Variants in WWOX observed in about 807,000 individuals in gnomAD.
WWOX encodes WW domain containing oxidoreductase.
A neutral mutation model predicts 46.2 loss-of-function variants in WWOX; 69 were observed. The ratio of observed to expected loss-of-function variants is 1.49; its 90% confidence interval spans 1.23 to 1.82. The LOEUF (loss-of-function observed/expected upper bound fraction) is 1.82. WWOX is among the 40% of genes most tolerant of loss of function. WWOX has a pLI of 0.00. For synonymous variants in WWOX, 359 were observed against 202.6 expected (o/e 1.77, Z -6.56); for missense variants, 919 against 542.6 (o/e 1.69, Z -6.89).
intron 8 of WWOX, among the ~76,000 whole-genome samples, chr16:78,708,839 C>T (rs908651355): frequency 1.3e-5 from 2 of 152,174 alleles, no homozygotes; most frequent in Admixed American, 6.5e-5. Context: ...TTTTTCACAG[C>T]GCCCAGCAAA....
At chr16:78,656,953 A>C (rs940129556) in intron 8 of WWOX, among the ~76,000 whole-genome samples, 1 of 152,200 alleles carries the variant, frequency 6.6e-6, no homozygotes, top group Non-Finnish European at 1.5e-5. Flanking sequence ...CGTCTGGTCC[A>C]TGCTCAGATT....
At chr16:78,757,949 T>C (rs897221445) in intron 8 of WWOX, among the ~76,000 whole-genome samples, 2 of 151,954 alleles carry the variant, frequency 1.3e-5, no homozygotes, top group East Asian at 3.9e-4. Flanking sequence ...AAATATGAGT[T>C]TGGGGGGACA....
intron 8 of WWOX, among the ~76,000 whole-genome samples, chr16:78,934,351 A>AAAAAAAAAAAAAAAAAAAAAAAAAG (rs60762741): frequency 6.8e-6 from 1 of 147,938 alleles, no homozygotes. Context: ...AAAAAAAAAA[A>AAAAAAAAAAAAAAAAAAAAAAAAAG]GAAGAAACTT....
At chr16:78,576,716 C>A (rs1295167319) in intron 8 of WWOX, among the ~76,000 whole-genome samples, 1 of 152,124 alleles carries the variant, frequency 6.6e-6, no homozygotes, top group East Asian at 1.9e-4. Flanking sequence ...GGTGTAGTCC[C>A]AGCTACTCAA....
chr16:78,332,436 G>T (rs182871277), intron 5 of WWOX, among the ~76,000 whole-genome samples: 1 of 152,300 alleles, frequency 6.6e-6, no homozygotes, highest in African/African-American at 2.4e-5. Context: ...CCTGTGATTT[G>T]TATGGGCTGC....
At chr16:79,028,337 G>T (rs531088177) in intron 8 of WWOX, among the ~76,000 whole-genome samples, 1 of 151,856 alleles carries the variant, frequency 6.6e-6, no homozygotes, top group African/African-American at 2.4e-5. Context: ...CACTATGAGT[G>T]TATCGTTAGG....
chr16:79,064,799 T>C (rs1341690858), intron 8 of WWOX, among the ~76,000 whole-genome samples: 1 of 152,188 alleles, frequency 6.6e-6, no homozygotes, highest in Non-Finnish European at 1.5e-5. Flanking sequence ...TGAGGAAGGA[T>C]GCAAATAAGC....
chr16:78,849,550 G>C (rs2052387921), intron 8 of WWOX, among the ~76,000 whole-genome samples: 1 of 142,454 alleles, frequency 7.0e-6, no homozygotes, highest in Non-Finnish European at 1.5e-5. Flanking sequence ...CTCCGGCCTG[G>C]GTGACAGAGC....
intron 8 of WWOX, among the ~76,000 whole-genome samples, chr16:78,918,880 G>C (rs774176082): frequency 6.6e-6 from 1 of 152,138 alleles, no homozygotes; most frequent in African/African-American, 2.4e-5. Flanking sequence ...ACTTTCTCTT[G>C]TCTTTTCTGA....
intron 3 of WWOX, among the ~76,000 whole-genome samples, chr16:78,111,569 G>C (rs1453835323): frequency 6.6e-6 from 1 of 152,260 alleles, no homozygotes; most frequent in South Asian, 2.1e-4. Flanking sequence ...CCGCGAAAGG[G>C]AGTCTCCTTT....
At chr16:78,569,930 C>T (rs908261037) in intron 8 of WWOX, among the ~76,000 whole-genome samples, 1 of 152,184 alleles carries the variant, frequency 6.6e-6, no homozygotes, top group Non-Finnish European at 1.5e-5. Context: ...ACATGGTGCT[C>T]TTAGAGCTTC....
chr16:78,475,842 A>G lies in WWOX; in HGVS notation c.1056+43090A>G, dbSNP rs998263790. Reference sequence around the variant, plus strand: ...ACTCCTGAATTCAAATGATCTGCCCACCTCAACCTCCCAAAATGCTGCGAT... The same window carrying G: ...ACTCCTGAATTCAAATGATCTGCCCGCCTCAACCTCCCAAAATGCTGCGAT... On this transcript the variant is annotated intron_variant, in intron 8 of 8. Coordinates refer to ENST00000566780, the MANE Select transcript of WWOX (RefSeq NM_016373.4). Among the ~76,000 whole-genome samples, 5 of 152,266 alleles carry G rather than the reference A, an allele frequency of 3.3e-5. 1 individual carries two copies. The highest frequency in any genetic ancestry group is 1.2e-4 in the African/African-American group (5 of 41,560).
Position 78,715,251 on chromosome 16 carries a change from C to T in WWOX, c.1056+282499C>T, listed in dbSNP as rs184313899. Among the ~76,000 whole-genome samples the T allele has an allele frequency of 4.8e-3, 734 of 152,258 alleles. 4 individuals carry two copies. Among genetic ancestry groups the T allele is most frequent in the Non-Finnish European group, 6.7e-3 (459 of 68,018 alleles). On this transcript the variant is annotated intron_variant, in intron 8 of 8. Coordinates refer to ENST00000566780, the MANE Select transcript of WWOX (RefSeq NM_016373.4). ...GTAAAGCTAACTGTAACACACAGAG[C>T]TTTGTCTTTTCTTGCTGAATAAGAA...
intron 8 of WWOX, among the ~76,000 whole-genome samples, chr16:79,202,419 G>T (rs1360211407): frequency 2.6e-5 from 4 of 152,140 alleles, no homozygotes; most frequent in Non-Finnish European, 5.9e-5. Context: ...AGATTCTTTT[G>T]CTAGAAAGAT....
At chr16:79,012,110 C>A (rs896906523) in intron 8 of WWOX, among the ~76,000 whole-genome samples, 1 of 152,202 alleles carries the variant, frequency 6.6e-6, no homozygotes, top group Non-Finnish European at 1.5e-5. Context: ...TTGCAGTGCT[C>A]TCGGCCCGCG....
At chr16:78,165,087 G>C (rs971609835) in intron 5 of WWOX, among the ~76,000 whole-genome samples, 1 of 152,228 alleles carries the variant, frequency 6.6e-6, no homozygotes, top group Non-Finnish European at 1.5e-5. Flanking sequence ...AGTGTGGCTG[G>C]AGATGAATGG....
At chr16:78,842,808 C>CG (rs1213937496) in intron 8 of WWOX, among the ~76,000 whole-genome samples, 1 of 132,956 alleles carries the variant, frequency 7.5e-6, no homozygotes, top group Non-Finnish European at 1.8e-5. Flanking sequence ...ACCAAGATCA[C>CG]GCCACTGCAC....
intron 8 of WWOX, among the ~76,000 whole-genome samples, chr16:78,521,306 C>G (rs557902904): frequency 5.3e-5 from 8 of 152,118 alleles, no homozygotes; most frequent in Non-Finnish European, 7.3e-5. Flanking sequence ...ATCCTCCCAC[C>G]TCAGCCTCCC....
intron 8 of WWOX, among the ~76,000 whole-genome samples, chr16:78,765,470 G>A (rs1190138477): frequency 6.6e-6 from 1 of 152,178 alleles, no homozygotes; most frequent in Non-Finnish European, 1.5e-5. Context: ...CCTGAGGTCA[G>A]GAGTTCGAGA....
Sources: allele counts gnomAD v4.1 joint callset (sites outside exome capture counted in the v4.1 genomes callset), GRCh38; gene constraint gnomAD v4.1.1; transcripts MANE v1.5; gene names NCBI Gene and HGNC (gene_info 2026-07-23, HGNC 2026-07-21).